SVOP: variants seen among roughly 807,000 people sequenced by gnomAD.
SVOP encodes the protein SV2 related protein.
A neutral mutation model predicts 69.1 loss-of-function variants in SVOP; 17 were observed. That is an observed-to-expected ratio of 0.25 (90% CI 0.17 to 0.37). The LOEUF is 0.37. Among genes scored for constraint, SVOP ranks in the 10% least tolerant of loss-of-function variants. SVOP has a pLI of 1.00. For missense variants in SVOP, 435 were observed against 597.5 expected (o/e 0.73, Z 2.84); for synonymous variants, 238 against 238.6 (o/e 1.00, Z 0.02).
intron 1 of SVOP, among the ~76,000 whole-genome samples, chr12:109,000,138 G>A (rs7134041): frequency 0.13 from 19,621 of 152,080 alleles, 1,416 homozygotes; most frequent in Non-Finnish European, 0.15. Flanking sequence ...TATCAGCACC[G>A]ATCCCACAGA....
At chr12:108,941,211 T>C (rs1313756841) in intron 7 of SVOP, among the ~76,000 whole-genome samples, 1 of 152,182 alleles carries the variant, frequency 6.6e-6, no homozygotes, top group African/African-American at 2.4e-5. Context: ...AAATTGGTAG[T>C]GAACACACTG....
chr12:108,998,382 A>G (rs1197484967), intron 1 of SVOP, among the ~76,000 whole-genome samples: 1 of 152,082 alleles, frequency 6.6e-6, no homozygotes, highest in Non-Finnish European at 1.5e-5. Flanking sequence ...GTTGGAAAAC[A>G]CTCTGCAGGA....
intron 5 of SVOP, among the ~76,000 whole-genome samples, chr12:108,966,572 T>G (rs140823681): frequency 3.3e-5 from 5 of 151,858 alleles, no homozygotes; most frequent in Non-Finnish European, 7.4e-5. Flanking sequence ...TGGGGGAATT[T>G]TGGGGAAGCT....
At chr12:108,935,198 T>C (rs566586308) in intron 10 of SVOP, among the ~76,000 whole-genome samples, 10 of 152,298 alleles carry the variant, frequency 6.6e-5, no homozygotes, top group East Asian at 3.9e-4. Context: ...GGACATGTGA[T>C]TTTCGAATTT....
chr12:108,987,124 C>T (rs575235320), intron 1 of SVOP, among the ~76,000 whole-genome samples: 38 of 152,332 alleles, frequency 2.5e-4, no homozygotes, highest in Admixed American at 5.2e-4. Context: ...TCAGCCCTGA[C>T]GAGCACCAAT....
chr12:108,994,779 A>G (rs964254557), intron 1 of SVOP, among the ~76,000 whole-genome samples: 4 of 152,190 alleles, frequency 2.6e-5, no homozygotes, highest in African/African-American at 9.6e-5. Flanking sequence ...GATTGTGATA[A>G]TAGAACACTA....
chr12:108,968,759 T>C (rs923261878), intron 5 of SVOP, among the ~76,000 whole-genome samples: 2 of 151,768 alleles, frequency 1.3e-5, no homozygotes, highest in African/African-American at 4.8e-5. Context: ...TGTGTGTGTG[T>C]GTGTGTGTTT....
Position 108,967,048 on chromosome 12 carries a change from T to G in SVOP, c.453+5357A>C, listed in dbSNP as rs181786166. Among the ~76,000 whole-genome samples, 3 of 152,312 alleles carry G rather than the reference T, an allele frequency of 2.0e-5. No homozygotes were observed. In the East Asian group the frequency reaches 5.8e-4, roughly 29 times the overall value. The stretch of plus-strand genomic sequence containing the variant: ...TGGGAGAGACTATTATTATCCCACC[T>G]ACAGATGAGAAAACTGAGACACAGA... On this transcript the variant is annotated intron_variant, in intron 5 of 15. Transcript: ENST00000610966.
chr12:108,958,390 G>A (rs1024947533), intron 6 of SVOP, among the ~76,000 whole-genome samples: 7 of 151,576 alleles, frequency 4.6e-5, no homozygotes, highest in African/African-American at 9.7e-5. Context: ...CATTGTGTTC[G>A]AATTGTCTGC....
In SVOP at chr12:108,972,431, T is replaced by C; in HGVS notation, c.427A>G (p.Ile143Val). 6.5e-7 allele frequency: 1 copy of C among 1,537,234 alleles called. No homozygotes were observed. Among genetic ancestry groups the C allele is most frequent in the Non-Finnish European group, 8.7e-7 (1 of 1,146,906 alleles). ...GTTTTCCTGCCGTACTGGTCTGAGATATTTCCCCAGAGCGTGGAGCTGGAC... is the reference window on the plus strand; with the variant it reads ...GTTTTCCTGCCGTACTGGTCTGAGACATTTCCCCAGAGCGTGGAGCTGGAC... ...MMSSSTLWGN[I>V]SDQYGRKTGL... Residue 143 changes from isoleucine (I) to valine (V), a missense_variant, in exon 5 of 16, where the codon ATC becomes GTC. Physicochemically the swap from Ile to Val is conservative, Grantham distance 29. Coordinates refer to ENST00000610966, the MANE Select transcript of SVOP (RefSeq NM_018711.5).
intron 7 of SVOP, among the ~76,000 whole-genome samples, chr12:108,941,968 A>C (rs965020405): frequency 3.3e-5 from 5 of 152,060 alleles, no homozygotes; most frequent in Admixed American, 2.6e-4. Flanking sequence ...CCCGGCAAGA[A>C]ATTCTGTACC....
rs1354719330 is a variant in SVOP at position 108,911,254 on chromosome 12, C to A, written c.*1281G>T. ...GTCCCTGGACAGAGGAGCAGCTTCG[C>A]ATCAGGGAATCCTGGTCCCCTGATC... is the stretch of plus-strand genomic sequence containing the variant. On this transcript the variant is annotated 3_prime_UTR_variant, in exon 16 of 16. Coordinates refer to ENST00000610966, the MANE Select transcript of SVOP (RefSeq NM_018711.5). The A allele has an allele frequency of 6.6e-6, 1 of 152,246 alleles. No individual in the cohort carries two copies. Among genetic ancestry groups the A allele is most frequent in the Non-Finnish European group, 1.5e-5 (1 of 68,062 alleles). 9.4% of individuals were successfully genotyped at this position (152,246 alleles called of 1,614,324 possible).
At chr12:108,982,725 T>C (rs1436869747) in intron 2 of SVOP, among the ~76,000 whole-genome samples, 1 of 147,642 alleles carries the variant, frequency 6.8e-6, no homozygotes, top group Non-Finnish European at 1.5e-5. Flanking sequence ...ATCATCATCA[T>C]CATCACTATC....
intron 1 of SVOP, among the ~76,000 whole-genome samples, chr12:109,018,105 G>GAATGGATGA (rs1566070595): frequency 9.0e-6 from 1 of 110,638 alleles, no homozygotes; most frequent in Non-Finnish European, 1.7e-5. Context: ...AGAATGGATG[G>GAATGGATGA]ATGAATGAAT....
intron 10 of SVOP, among the ~76,000 whole-genome samples, chr12:108,935,020 G>A (rs1216039977): frequency 6.6e-6 from 1 of 152,060 alleles, no homozygotes; most frequent in Non-Finnish European, 1.5e-5. Context: ...ACCCTCTCTT[G>A]GGGTCTGAAT....
At chr12:108,918,473 T>C (rs2039727939) in intron 13 of SVOP, among the ~76,000 whole-genome samples, 1 of 152,152 alleles carries the variant, frequency 6.6e-6, no homozygotes, top group African/African-American at 2.4e-5. Flanking sequence ...CTGGGGAAAG[T>C]AAACCACTAT....
At chr12:108,918,392 A>G (rs2039727407) in intron 13 of SVOP, among the ~76,000 whole-genome samples, 1 of 152,224 alleles carries the variant, frequency 6.6e-6, no homozygotes, top group African/African-American at 2.4e-5. Context: ...GAGAAGTGAT[A>G]TAAATAGTGG....
intron 1 of SVOP, 76 bp downstream of exon 1, chr12:109,020,758 C>CCCA (rs1555254166): frequency 6.8e-6 from 2 of 293,768 alleles, no homozygotes; most frequent in Non-Finnish European, 6.7e-6. Flanking sequence ...AGATGTACCC[C>CCCA]CCCCCACCCC....
Position 108,945,170 on chromosome 12 carries a change from G to A in SVOP, c.579-4C>T. Reference sequence around the variant, plus strand: ...GAACTCGGCATACAGCGTCACCCTGGGAATGTAAAAGGGAAAGAAAGGGAG... The same window carrying A: ...GAACTCGGCATACAGCGTCACCCTGAGAATGTAAAAGGGAAAGAAAGGGAG... On this transcript the variant is annotated splice_polypyrimidine_tract_variant and splice_region_variant and intron_variant, in intron 6 of 15. Transcript: ENST00000610966. 4 of 1,537,018 alleles carry A rather than the reference G, an allele frequency of 2.6e-6. No individual in the cohort carries two copies. The highest frequency in any genetic ancestry group is 3.5e-6 in the Non-Finnish European group (4 of 1,146,840).
Sources: allele counts gnomAD v4.1 joint callset (sites outside exome capture counted in the v4.1 genomes callset), GRCh38; gene constraint gnomAD v4.1.1; transcripts MANE v1.5; gene names NCBI Gene and HGNC (gene_info 2026-07-23, HGNC 2026-07-21).